The following SLC4A1AP variants were observed in gnomAD, a reference collection of about 807,000 sequenced individuals.
SLC4A1AP encodes kanadaptin.
In SLC4A1AP, 64 loss-of-function variants were observed where a neutral mutation model predicts 89.7. That is an observed-to-expected ratio of 0.71 (90% CI 0.58 to 0.88). SLC4A1AP has a LOEUF of 0.88. SLC4A1AP is among the 40% of genes least tolerant of loss of function. The pLI is 0.00. For synonymous variants in SLC4A1AP, 366 were observed against 353.3 expected, an observed-to-expected ratio of 1.04 and a Z score of -0.40; for missense variants, 931 against 965.0, an observed-to-expected ratio of 0.96 and a Z score of 0.47.
intron 2 of SLC4A1AP, among the ~76,000 whole-genome samples, chr2:27,666,211 G>C (rs897714060): frequency 6.6e-6 from 1 of 152,104 alleles, no homozygotes; most frequent in Non-Finnish European, 1.5e-5. Context: ...GAAAATTTAA[G>C]ATGACGCATA....
At chr2:27,683,958 G>A (rs1035343436) in intron 9 of SLC4A1AP, among the ~76,000 whole-genome samples, 5 of 151,636 alleles carry the variant, frequency 3.3e-5, no homozygotes, top group African/African-American at 9.7e-5. Context: ...GACTGGTCTC[G>A]AACTCCTGAC....
In SLC4A1AP at chr2:27,686,503, G is replaced by A. The variant is rs544031500; in HGVS notation, c.2116+1226G>A. 2.0e-5 allele frequency among the ~76,000 whole-genome samples: 3 copies of A among 152,308 alleles called. No individual in the cohort carries two copies. The South Asian group carries it at 6.2e-4, about 32-fold the overall frequency. ...AATTTGGCCAGGCACAGTGGCTCAC[G>A]CCTGTAATCCCAGCACTTTGGGAGG... On this transcript the variant is annotated intron_variant, in intron 10 of 13. Coordinates refer to ENST00000613058, the Ensembl canonical transcript of SLC4A1AP.
chr2:27,691,126 C>T (rs1443126891), intron 12 of SLC4A1AP, among the ~76,000 whole-genome samples: 3 of 152,070 alleles, frequency 2.0e-5, no homozygotes, highest in African/African-American at 2.4e-5. Context: ...ACCAATTCTT[C>T]CTTGAATGTC....
chr2:27,676,152 C>T (rs1675517782), intron 6 of SLC4A1AP, among the ~76,000 whole-genome samples: 1 of 152,066 alleles, frequency 6.6e-6, no homozygotes, highest in South Asian at 2.1e-4. Flanking sequence ...CAATAATAGG[C>T]AGGTAATAGG....
At chr2:27,676,088 G>C (rs1675516958) in intron 6 of SLC4A1AP, among the ~76,000 whole-genome samples, 1 of 152,218 alleles carries the variant, frequency 6.6e-6, no homozygotes, top group Non-Finnish European at 1.5e-5. Context: ...GTCTGAAACA[G>C]TATGTTCTTC....
At chr2:27,685,360 C>T in intron 10 of SLC4A1AP, 83 bp downstream of exon 10, 2 of 1,509,906 alleles carry the variant, frequency 1.3e-6, no homozygotes, top group East Asian at 2.3e-5. Flanking sequence ...AAGGCCAGTT[C>T]TTGTCTGTGC....
At position 27,664,424 on chromosome 2, in the gene SLC4A1AP, C is replaced by A. The variant is rs751999392; in HGVS notation, c.672C>A (p.Cys224Ter). ...GGGCGTCCGGCCCTGACGGAGAATG[C>A]GACAGCAACGGGCCGGGCTTCTACC... is the stretch of plus-strand genomic sequence containing the variant. The change falls in exon 1 of 14, where the codon TGC (cysteine) becomes TGA (stop). Residue 224 changes from cysteine (C) to a stop codon, truncating the protein, a stop_gained. Transcript: ENST00000613058. LOFTEE classifies it high-confidence loss of function. 1.2e-6 allele frequency: 2 copies of A among 1,614,182 alleles called. No homozygotes were observed. Among genetic ancestry groups the A allele is most frequent in the Non-Finnish European group, 8.5e-7 (1 of 1,180,032 alleles).
chr2:27,679,899 A>C (rs1033825481), intron 8 of SLC4A1AP, among the ~76,000 whole-genome samples: 1 of 152,148 alleles, frequency 6.6e-6, no homozygotes, highest in Admixed American at 6.5e-5. Flanking sequence ...GGAGAAATCT[A>C]TATGGGAGTG....
At chr2:27,674,021 TG>T (rs1675474713) in intron 5 of SLC4A1AP, among the ~76,000 whole-genome samples, 1 of 151,310 alleles carries the variant, frequency 6.6e-6, no homozygotes, top group Non-Finnish European at 1.5e-5. Flanking sequence ...TGTGTGTGTG[TG>T]TGTGTGTGTC....
At chr2:27,684,816 A>G (rs1283373577) in intron 9 of SLC4A1AP, among the ~76,000 whole-genome samples, 2 of 152,156 alleles carry the variant, frequency 1.3e-5, no homozygotes, top group Non-Finnish European at 2.9e-5. Flanking sequence ...AGTGTTTTGT[A>G]TTTAGTAATC....
At chr2:27,681,874 T>C (rs1452605071) in intron 8 of SLC4A1AP, among the ~76,000 whole-genome samples, 1 of 152,094 alleles carries the variant, frequency 6.6e-6, no homozygotes, top group Non-Finnish European at 1.5e-5. Context: ...TCCAGATAAG[T>C]AAGACACTCT....
rs763600731 is a variant in SLC4A1AP at position 27,667,442 on chromosome 2, GT to G, written c.1144+56del. On this transcript the variant is annotated intron_variant, in intron 3 of 13. Coordinates refer to ENST00000613058, the Ensembl canonical transcript of SLC4A1AP. ...ACTAAAACATATCCAGAGCAGTGTG[GT>G]TTTCTAGAGCTTCATGTTGAGCTTT... 9 of 1,524,018 alleles carry G rather than the reference GT, an allele frequency of 5.9e-6. No homozygotes were observed. In the East Asian group the frequency reaches 1.4e-4, roughly 24 times the overall value. 94.4% of individuals were successfully genotyped at this position (1,524,018 alleles called of 1,614,324 possible). A position where few individuals can be genotyped will look rare whatever the true frequency, so the allele number is the denominator to read the frequency against.
At chr2:27,665,374 A>G in intron 2 of SLC4A1AP, 79 bp downstream of exon 2, 3 of 1,272,178 alleles carry the variant, frequency 2.4e-6, no homozygotes. Flanking sequence ...TTTTTAAATC[A>G]TACAGCTTTT....
At chr2:27,684,587 A>T (rs1030933851) in intron 9 of SLC4A1AP, among the ~76,000 whole-genome samples, 3 of 152,134 alleles carry the variant, frequency 2.0e-5, no homozygotes, top group Non-Finnish European at 2.9e-5. Flanking sequence ...TTTCTTCAGG[A>T]TCTGTTTGAT....
exon 2 of SLC4A1AP, chr2:27,665,181 T>G (rs1274027332): frequency 6.2e-7 from 1 of 1,613,604 alleles, no homozygotes; most frequent in Non-Finnish European, 8.5e-7. Context: ...GCAAATATTG[T>G]TGGAGAAGAA....
chr2:27,669,519 C>T (rs1572989453), intron 5 of SLC4A1AP, 132 bp downstream of exon 5: 1 of 779,956 alleles, frequency 1.3e-6, no homozygotes, highest in East Asian at 2.7e-5. Context: ...GAAAAATTCT[C>T]AATACCCTAA....
At chr2:27,683,823 C>A (rs1675660011) in intron 9 of SLC4A1AP, among the ~76,000 whole-genome samples, 1 of 152,110 alleles carries the variant, frequency 6.6e-6, no homozygotes. Context: ...GCAACCTCCT[C>A]CTCCCGGGTT....
intron 4 of SLC4A1AP, 132 bp from the exon 5 acceptor site, chr2:27,669,116 A>G (rs1218717696): frequency 2.7e-6 from 3 of 1,095,242 alleles, no homozygotes; most frequent in Non-Finnish European, 4.0e-6. Flanking sequence ...CAACATTGGA[A>G]AGATAGAACA....
At chr2:27,691,336 G>T (rs1183339466) in intron 12 of SLC4A1AP, among the ~76,000 whole-genome samples, 1 of 151,956 alleles carries the variant, frequency 6.6e-6, no homozygotes, top group Non-Finnish European at 1.5e-5. Flanking sequence ...GTGCATAGAG[G>T]TGTTCATAGT....
Sources: allele counts gnomAD v4.1 joint callset (sites outside exome capture counted in the v4.1 genomes callset), GRCh38; gene constraint gnomAD v4.1.1; transcripts MANE v1.5; gene names NCBI Gene and HGNC (gene_info 2026-07-23, HGNC 2026-07-21).